The following PIWIL4 variants were observed in gnomAD, a reference collection of about 807,000 sequenced individuals.
The protein encoded by PIWIL4 is piwi like RNA-mediated gene silencing 4.
In PIWIL4, 50 loss-of-function variants were observed where a neutral mutation model predicts 100.9. That is an observed-to-expected ratio of 0.50 (90% CI 0.39 to 0.63). The LOEUF is 0.63. PIWIL4 is among the 20% of genes least tolerant of loss of function. The pLI, the probability that PIWIL4 is intolerant of heterozygous loss-of-function variation, is 0.00. For missense variants in PIWIL4, 887 were observed against 1,043.3 expected (o/e 0.85, Z 2.06); for synonymous variants, 342 against 367.5 (o/e 0.93, Z 0.79).
intron 5 of PIWIL4, 94 bp downstream of exon 5, chr11:94,583,663 G>T (rs1441060817): frequency 6.6e-7 from 1 of 1,519,768 alleles, no homozygotes; most frequent in Non-Finnish European, 9.0e-7. Flanking sequence ...TGTAGGCAGT[G>T]TGCCAGCAGT....
intron 14 of PIWIL4, 53 bp downstream of exon 14, chr11:94,607,692 GA>G (rs1207748602): frequency 6.0e-6 from 9 of 1,501,418 alleles, no homozygotes; most frequent in African/African-American, 1.4e-5. Flanking sequence ...TTATTTTAAA[GA>G]TTAAAGTAGG....
intron 5 of PIWIL4, among the ~76,000 whole-genome samples, chr11:94,585,053 G>A (rs778608814): frequency 1.2e-4 from 18 of 152,140 alleles, no homozygotes; most frequent in East Asian, 1.9e-4. Flanking sequence ...CAACAAGAGC[G>A]AAACTCCATT....
At chr11:94,617,151 T>C (rs912332327) in intron 16 of PIWIL4, among the ~76,000 whole-genome samples, 43 of 152,218 alleles carry the variant, frequency 2.8e-4, no homozygotes, top group African/African-American at 1.0e-3. Context: ...TTGGGAGTAT[T>C]GTAAATATTT....
rs1335527081 is a variant in PIWIL4, at chr11:94,575,028, G to A, written c.196G>A (p.Gly66Arg). The A allele has an allele frequency of 1.2e-6, 2 of 1,612,860 alleles. No homozygotes were observed. The highest frequency in any genetic ancestry group is 1.7e-6 in the Non-Finnish European group (2 of 1,179,002). Reference protein sequence around the residue: ...DKYGISSGDAGSTFMERGVKN... With the variant: ...DKYGISSGDARSTFMERGVKN... The stretch of plus-strand genomic sequence containing the variant: ...ATATGGGATATCTTCTGGTGATGCT[G>A]GAAGTACCTTCATGGAAAGAGGTGT... The change falls in exon 3 of 20, where the codon GGA (glycine) becomes AGA (arginine). Residue 66 changes from glycine to arginine, a missense_variant. Physicochemically the swap from Gly to Arg is moderately radical, Grantham distance 125. Around this residue, in one of 2 missense-constraint regions of PIWIL4, gnomAD observed 146 missense variants for 113.4 expected, o/e 1.29. Coordinates refer to ENST00000299001, the MANE Select transcript of PIWIL4 (RefSeq NM_152431.3).
chr11:94,607,444 G>A lies in PIWIL4; in HGVS notation c.1644G>A (p.Met548Ile), dbSNP rs1948735391. Reference sequence around the variant, plus strand: ...TTTGCTGTTTTTGCTTTTAGGTAATGTGCATTCTGCCTTCTAATCAGAAGA... The same window carrying A: ...TTTGCTGTTTTTGCTTTTAGGTAATATGCATTCTGCCTTCTAATCAGAAGA... ...QYVDPDVQLV[M>I]CILPSNQKTY... is the part of the protein sequence containing the mutation. Residue 548 changes from methionine (M) to isoleucine (I), a missense_variant, in exon 14 of 20, where the codon ATG (methionine) becomes ATA (isoleucine). Met to Ile is a conservative substitution (Grantham distance 10). This residue lies in a region of PIWIL4 where 741 missense variants were observed against 930.0 expected (regional missense o/e 0.80). Coordinates refer to ENST00000299001, the MANE Select transcript of PIWIL4 (RefSeq NM_152431.3). 1 of 1,613,260 alleles carries A rather than the reference G, an allele frequency of 6.2e-7. No homozygotes were observed. The highest frequency in any genetic ancestry group is 8.5e-7 in the Non-Finnish European group (1 of 1,179,660).
In PIWIL4 at chr11:94,620,329, T is replaced by C. The variant is rs189763727; in HGVS notation, c.2442+185T>C. The stretch of plus-strand genomic sequence containing the variant: ...TGAGTCCACAGTGGGAGGAAAGCAG[T>C]CTATCATAGAAACAAAATAACAATA... On this transcript the variant is annotated intron_variant, in intron 19 of 19. Transcript: ENST00000299001. 2.8e-3 allele frequency among the ~76,000 whole-genome samples: 424 copies of C among 152,322 alleles called. 1 individual carries two copies. Among genetic ancestry groups the C allele is most frequent in the Non-Finnish European group, 4.2e-3 (288 of 68,032 alleles).
At chr11:94,604,934 A>G (rs1177316841) in intron 13 of PIWIL4, among the ~76,000 whole-genome samples, 1 of 152,172 alleles carries the variant, frequency 6.6e-6, no homozygotes, top group African/African-American at 2.4e-5. Flanking sequence ...TTTATTTTTT[A>G]CTTAAATCAA....
In PIWIL4 at chr11:94,588,139, G is replaced by C. The variant is rs530712677; in HGVS notation, c.914+892G>C. Among the ~76,000 whole-genome samples, 10 of 151,742 alleles carry C rather than the reference G, an allele frequency of 6.6e-5. No homozygotes were observed. In the East Asian group the frequency reaches 2.0e-3, roughly 30 times the overall value. On this transcript the variant is annotated intron_variant, in intron 7 of 19. Transcript: ENST00000299001. ...ACCCTATCACCTGAGAGGCCCCAGC[G>C]TGTGTTTTTCCCCTCCTCGTGTCCA...
At chr11:94,590,318 G>A (rs918938516) in intron 8 of PIWIL4, among the ~76,000 whole-genome samples, 29 of 152,190 alleles carry the variant, frequency 1.9e-4, no homozygotes, top group African/African-American at 5.8e-4. Flanking sequence ...CTCTCCCACC[G>A]GCTGGAACTG....
At chr11:94,608,721 TA>T in intron 15 of PIWIL4, 35 bp downstream of exon 15, 1 of 1,529,708 alleles carries the variant, frequency 6.5e-7, no homozygotes, top group Non-Finnish European at 9.1e-7. Flanking sequence ...ATGCTTCATT[TA>T]GTTAGACTAT....
At position 94,604,071 on chromosome 11, in the gene PIWIL4, C is replaced by A. The variant is rs750099141; in HGVS notation, c.1638+15C>A. On this transcript the variant is annotated intron_variant, in intron 13 of 19. Coordinates refer to ENST00000299001, the MANE Select transcript of PIWIL4 (RefSeq NM_152431.3). ...ATGTTCAGCTGGTAAGTACAGGATA[C>A]TTTTTGAACTCCTTTAATCTATAAT... 1.3e-5 allele frequency: 19 copies of A among 1,514,758 alleles called. No individual in the cohort carries two copies. The highest frequency in any genetic ancestry group is 1.6e-5 in the Non-Finnish European group (18 of 1,101,082). The allele number at this position is 1,514,758 out of a possible 1,614,324, so 93.8% of individuals were successfully genotyped here. A position where few individuals can be genotyped will look rare whatever the true frequency, so the allele number is the denominator to read the frequency against.
At chr11:94,617,704 G>A in intron 16 of PIWIL4, 7 of 423,290 alleles carry the variant, frequency 1.7e-5, no homozygotes, top group Admixed American at 4.2e-5. Flanking sequence ...TTTATTTAAA[G>A]AGATAGGCCA....
chr11:94,617,977 T>C lies in PIWIL4; in HGVS notation c.2038T>C (p.Tyr680His). 1.2e-6 allele frequency: 2 copies of C among 1,613,982 alleles called. No individual in the cohort carries two copies. Among genetic ancestry groups the C allele is most frequent in the Non-Finnish European group, 8.5e-7 (1 of 1,179,928 alleles). ...AGGAGCACTCAACAAATGGTACAAG[T>C]ACAATCATGATTTGCCAGCACGGAT... ...MTGALNKWYKYNHDLPARIIV... is the reference protein window; with the variant it reads ...MTGALNKWYKHNHDLPARIIV... Residue 680 changes from tyrosine (Y) to histidine (H), a missense_variant, in exon 17 of 20, where the codon TAC (tyrosine) becomes CAC (histidine). Physicochemically the swap from Tyr to His is moderately conservative, Grantham distance 83 (BLOSUM62 2). This residue lies in a region of PIWIL4 where 741 missense variants were observed against 930.0 expected (regional missense o/e 0.80). Transcript: ENST00000299001.
Position 94,601,961 on chromosome 11 carries a change from A to G in PIWIL4, c.1547A>G (p.Asn516Ser). The change falls in exon 12 of 20, where the codon AAT becomes AGT. Residue 516 changes from asparagine (N) to serine (S), a missense_variant. Asn to Ser is a conservative substitution (Grantham distance 46). Around this residue, in one of 2 missense-constraint regions of PIWIL4, gnomAD observed 741 missense variants for 930.0 expected, o/e 0.80. Transcript: ENST00000299001. ...AGAGTTGCAGGTTCCATGGGATTTA[A>G]TGTGGACTACCCCAAAATGTGAGAA... ...LRRVAGSMGF[N>S]VDYPKIIKVQ... The G allele has an allele frequency of 6.2e-7, 1 of 1,610,588 alleles. No homozygotes were observed. Among genetic ancestry groups the G allele is most frequent in the Non-Finnish European group, 8.5e-7 (1 of 1,179,182 alleles).
At chr11:94,614,422 C>T (rs1158827429) in intron 15 of PIWIL4, among the ~76,000 whole-genome samples, 1 of 151,700 alleles carries the variant, frequency 6.6e-6, no homozygotes, top group Non-Finnish European at 1.5e-5. Flanking sequence ...ATTCTCCTGC[C>T]TCAGCCTCCC....
At chr11:94,605,047 C>A (rs1948696786) in intron 13 of PIWIL4, among the ~76,000 whole-genome samples, 1 of 152,200 alleles carries the variant, frequency 6.6e-6, no homozygotes, top group African/African-American at 2.4e-5. Flanking sequence ...TTATTATTTT[C>A]TATCTTTTTT....
rs760516381 is a variant in PIWIL4, at chr11:94,587,116, T to C, written c.783T>C (p.Ala261=). Reference sequence around the variant, plus strand: ...TTGAAAGGAAGCTCCTGTTTAGTGCTGATGTGAGTTACAAAGTCCTCCGGA... The same window carrying C: ...TTGAAAGGAAGCTCCTGTTTAGTGCCGATGTGAGTTACAAAGTCCTCCGGA... ...SYFERKLLFS[A]DVSYKVLRNE... The change falls in exon 7 of 20, where the codon GCT becomes GCC. Residue 261 remains alanine, a synonymous_variant. Coordinates refer to ENST00000299001, the MANE Select transcript of PIWIL4 (RefSeq NM_152431.3). 1 of 1,614,084 alleles carries C rather than the reference T, an allele frequency of 6.2e-7. No individual in the cohort carries two copies. Among genetic ancestry groups the C allele is most frequent in the Non-Finnish European group, 8.5e-7 (1 of 1,179,956 alleles).
At chr11:94,619,081 T>C (rs1198243606) in intron 17 of PIWIL4, among the ~76,000 whole-genome samples, 1 of 152,212 alleles carries the variant, frequency 6.6e-6, no homozygotes, top group East Asian at 1.9e-4. Context: ...CATCAACTTT[T>C]GATAGTTTCA....
At position 94,595,316 on chromosome 11, in the gene PIWIL4, T is replaced by G. The variant is rs748495129; in HGVS notation, c.1158T>G (p.Thr386=). Residue 386 remains threonine, a synonymous_variant, in exon 10 of 20, where the codon ACT becomes ACG. Transcript: ENST00000299001. ...TTCATTTGCATTTAATAGGGCTGAC[T>G]GACCAGGCAACATCTGATTTCCAGC... The part of the protein sequence containing the change: ...IPELCFLTGL[T]DQATSDFQLM... 2 of 1,613,206 alleles carry G rather than the reference T, an allele frequency of 1.2e-6. No homozygotes were observed. Among genetic ancestry groups the G allele is most frequent in the Non-Finnish European group, 8.5e-7 (1 of 1,179,334 alleles).
Sources: allele counts gnomAD v4.1 joint callset (sites outside exome capture counted in the v4.1 genomes callset), GRCh38; gene constraint gnomAD v4.1.1; regional missense constraint gnomAD v4.1.1; transcripts MANE v1.5; gene names NCBI Gene and HGNC (gene_info 2026-07-23, HGNC 2026-07-21).